FRAS1: variants seen among roughly 807,000 people sequenced by gnomAD.
FRAS1 encodes extracellular matrix organizing protein FRAS1.
Under a neutral mutation model 435.2 loss-of-function variants are expected in FRAS1, and 290 were observed. That is an observed-to-expected ratio of 0.67 (90% CI 0.61 to 0.73). FRAS1 has a LOEUF of 0.73. Ranked by LOEUF, FRAS1 falls within the 30% of genes least tolerant of loss-of-function variation. FRAS1 has a pLI of 0.00. For synonymous variants in FRAS1, 1,800 were observed against 1,851.0 expected, an observed-to-expected ratio of 0.97 and a Z score of 0.71; for missense variants, 4,860 against 5,001.5, an observed-to-expected ratio of 0.97 and a Z score of 0.85.
chr4:78,101,032 A>G (rs1742100609), intron 2 of FRAS1, among the ~76,000 whole-genome samples: 1 of 152,178 alleles, frequency 6.6e-6, no homozygotes, highest in Non-Finnish European at 1.5e-5. Flanking sequence ...GTATGGAAAC[A>G]TAGGGGTTGC....
chr4:78,305,671 A>G (rs1466994072), intron 14 of FRAS1, among the ~76,000 whole-genome samples: 4 of 150,612 alleles, frequency 2.7e-5, no homozygotes, highest in South Asian at 4.2e-4. Flanking sequence ...TTTGTCAGAG[A>G]CTAGGATTGC....
At chr4:78,202,904 C>T (rs972296862) in intron 2 of FRAS1, among the ~76,000 whole-genome samples, 1 of 152,204 alleles carries the variant, frequency 6.6e-6, no homozygotes, top group Admixed American at 6.5e-5. Flanking sequence ...GCTGTGGTTT[C>T]CCTCCTCTTG....
In FRAS1 at chr4:78,540,631, G is replaced by A; in HGVS notation, c.11546G>A (p.Arg3849Lys). The stretch of plus-strand genomic sequence containing the variant: ...CAGCGCTCTCTCACAGCTCCACTCA[G>A]ACGCAACCGAAGGGACCTGGTAGAG... ...RVQRSLTAPL[R>K]RNRRDLVEPD... Residue 3849 changes from arginine to lysine, a missense_variant, in exon 74 of 74, where the codon AGA becomes AAA. By Grantham distance (26) the Arg-to-Lys change is conservative. Transcript: ENST00000512123. The A allele has an allele frequency of 6.3e-7, 1 of 1,592,936 alleles. No individual in the cohort carries two copies. Among genetic ancestry groups the A allele is most frequent in the South Asian group, 1.1e-5 (1 of 87,412 alleles).
chr4:78,102,592 T>A (rs2109921726), intron 2 of FRAS1, among the ~76,000 whole-genome samples: 1 of 152,268 alleles, frequency 6.6e-6, no homozygotes, highest in South Asian at 2.1e-4. Context: ...TTTAACTACA[T>A]AGTGTATTTA....
At chr4:78,293,336 T>G (rs1727990235) in intron 14 of FRAS1, among the ~76,000 whole-genome samples, 1 of 152,166 alleles carries the variant, frequency 6.6e-6, no homozygotes, top group African/African-American at 2.4e-5. Context: ...TAATTTTTGA[T>G]AGAAAAAATG....
Position 78,363,610 on chromosome 4 carries a change from C to T in FRAS1, c.2520C>T (p.Asp840=), listed in dbSNP as rs1268108178. The change falls in exon 21 of 74, where the codon GAC becomes GAT. Residue 840 remains aspartate (D), a synonymous_variant. Coordinates refer to ENST00000512123, the MANE Select transcript of FRAS1 (RefSeq NM_025074.7). ...ATGCCCACTACCTGCTGCTCGGGGA[C>T]CACTGTGTTCCTGACTGCCCTTCAG... is the stretch of plus-strand genomic sequence containing the variant. ...CQNAHYLLLG[D]HCVPDCPSGY... is the part of the protein sequence containing the mutation. The T allele has an allele frequency of 6.2e-7, 1 of 1,607,176 alleles. No individual in the cohort carries two copies. The highest frequency in any genetic ancestry group is 2.2e-5 in the East Asian group (1 of 44,620).
chr4:78,359,993 C>G (rs1482411700), intron 20 of FRAS1, among the ~76,000 whole-genome samples: 1 of 152,176 alleles, frequency 6.6e-6, no homozygotes, highest in Admixed American at 6.5e-5. Context: ...CCATTGATTT[C>G]TGGCATCTGT....
At chr4:78,421,373 C>T (rs1052855482) in intron 33 of FRAS1, among the ~76,000 whole-genome samples, 2 of 152,098 alleles carry the variant, frequency 1.3e-5, no homozygotes, top group Non-Finnish European at 2.9e-5. Flanking sequence ...GTCTTGAACT[C>T]CTGACCTCAG....
chr4:78,298,696 T>C (rs1227585487), intron 14 of FRAS1, among the ~76,000 whole-genome samples: 4 of 152,218 alleles, frequency 2.6e-5, no homozygotes, highest in African/African-American at 9.7e-5. Flanking sequence ...GGTGAGTTGT[T>C]TCCATGTAGA....
chr4:78,496,464 A>G lies in FRAS1; in HGVS notation c.8959-341A>G, dbSNP rs75635365. Among the ~76,000 whole-genome samples, 888 of 152,340 alleles carry G rather than the reference A, an allele frequency of 5.8e-3. 3 individuals are homozygous for G. Among genetic ancestry groups the G allele is most frequent in the Middle Eastern group, 0.01 (3 of 294 alleles). The stretch of plus-strand genomic sequence containing the variant: ...AAATCTACCTATTTTAATATGTGAA[A>G]TGTATTAAGCAGCACAGAAAAAAAT... On this transcript the variant is annotated intron_variant, in intron 59 of 73. Coordinates refer to ENST00000512123, the MANE Select transcript of FRAS1 (RefSeq NM_025074.7).
rs865846184 is a variant in FRAS1 at position 78,353,851 on chromosome 4, G to A, written c.2423-9662G>A. Among the ~76,000 whole-genome samples the A allele has an allele frequency of 5.0e-4, 6 of 12,038 alleles. 1 individual carries two copies. In the South Asian group the frequency reaches 7.3e-3, roughly 15 times the overall value. 7.9% of individuals were successfully genotyped at this position (12,038 alleles called of 152,430 possible). A position where few individuals can be genotyped will look rare whatever the true frequency, so the allele number is the denominator to read the frequency against. On this transcript the variant is annotated intron_variant, in intron 20 of 73. Coordinates refer to ENST00000512123, the MANE Select transcript of FRAS1 (RefSeq NM_025074.7). The stretch of plus-strand genomic sequence containing the variant: ...TATCACACTCTGGGGACTGTGGTGG[G>A]GTCAGGGGAGGGGGGAGGGATAGCA...
chr4:78,482,076 C>G (rs1221438273), intron 57 of FRAS1, 112 bp downstream of exon 57: 1 of 1,145,482 alleles, frequency 8.7e-7, no homozygotes, highest in Non-Finnish European at 1.2e-6. Context: ...CCTATCTTTC[C>G]TTTCTTTAAA....
rs189523400 is a variant in FRAS1 at position 78,536,844 on chromosome 4, G to A, written c.11093-151G>A. On this transcript the variant is annotated intron_variant, in intron 71 of 73. Transcript: ENST00000512123. ...AATAAAAACGAAGCAATAAATGAATGAGTATTTTAGGGGCACATGGAATCA... is the reference window on the plus strand; with the variant it reads ...AATAAAAACGAAGCAATAAATGAATAAGTATTTTAGGGGCACATGGAATCA... 3.3e-4 allele frequency: 193 copies of A among 577,742 alleles called. 1 individual carries two copies. In the East Asian group the frequency reaches 4.0e-3, roughly 12 times the overall value. The allele number at this position is 577,742 out of a possible 1,614,324, so 35.8% of individuals were successfully genotyped here. A position where few individuals can be genotyped will look rare whatever the true frequency, so the allele number is the denominator to read the frequency against.
At chr4:78,271,260 A>G (rs960842735) in intron 9 of FRAS1, among the ~76,000 whole-genome samples, 2 of 107,694 alleles carry the variant, frequency 1.9e-5, no homozygotes, top group Non-Finnish European at 3.9e-5. Context: ...AAATATTTAG[A>G]GAAACATTAC....
intron 2 of FRAS1, among the ~76,000 whole-genome samples, chr4:78,202,294 C>T (rs993036912): frequency 7.9e-5 from 12 of 152,290 alleles, no homozygotes; most frequent in African/African-American, 2.4e-4. Context: ...TTTCCAAATT[C>T]GTGCCCCCTC....
chr4:78,245,938 A>G (rs923126922), intron 4 of FRAS1, among the ~76,000 whole-genome samples: 4 of 152,150 alleles, frequency 2.6e-5, no homozygotes, highest in Admixed American at 2.6e-4. Context: ...CAGTCATGTC[A>G]ACCAGAAATC....
At chr4:78,255,069 A>C (rs527464614) in intron 5 of FRAS1, among the ~76,000 whole-genome samples, 173 bp from the exon 6 acceptor site, 1 of 152,274 alleles carries the variant, frequency 6.6e-6, no homozygotes, top group African/African-American at 2.4e-5. Flanking sequence ...CACCTATAAA[A>C]CACAAATTCA....
At chr4:78,415,619 G>A (rs1006105421) in intron 32 of FRAS1, among the ~76,000 whole-genome samples, 2 of 152,180 alleles carry the variant, frequency 1.3e-5, no homozygotes, top group Non-Finnish European at 2.9e-5. Flanking sequence ...GGGAGAACAC[G>A]ACATATTTGA....
At chr4:78,216,592 A>G (rs1304014344) in intron 2 of FRAS1, among the ~76,000 whole-genome samples, 1 of 152,188 alleles carries the variant, frequency 6.6e-6, no homozygotes, top group East Asian at 1.9e-4. Context: ...TTCTCATTCC[A>G]CAGATATCTG....
Sources: allele counts gnomAD v4.1 joint callset (sites outside exome capture counted in the v4.1 genomes callset), GRCh38; gene constraint gnomAD v4.1.1; transcripts MANE v1.5; gene names NCBI Gene and HGNC (gene_info 2026-07-23, HGNC 2026-07-21).